Variants in BHMT2 observed in about 807,000 individuals in gnomAD.
BHMT2 encodes S-methylmethionine--homocysteine S-methyltransferase BHMT2.
In BHMT2, 28 loss-of-function variants were observed where a neutral mutation model predicts 39.0. The observed-to-expected ratio is 0.72, with a 90% CI of 0.53 to 0.98. The LOEUF is 0.98. Among genes scored for constraint, BHMT2 ranks in the 50% least tolerant of loss-of-function variants. The pLI is 0.00. For missense variants in BHMT2, 410 were observed against 455.6 expected (o/e 0.90, Z 0.91); for synonymous variants, 145 against 160.6 (o/e 0.90, Z 0.74).
In BHMT2 at chr5:79,083,355, T is replaced by G. The variant is rs1381659391; in HGVS notation, c.762T>G (p.Asp254Glu). 2 of 1,601,462 alleles carry G rather than the reference T, an allele frequency of 1.2e-6. No homozygotes were observed. Among genetic ancestry groups the G allele is most frequent in the Non-Finnish European group, 1.7e-6 (2 of 1,172,922 alleles). Residue 254 changes from aspartate to glutamate, a missense_variant, in exon 6 of 8, where the codon GAT becomes GAG. Asp to Glu is a conservative substitution (Grantham distance 45, BLOSUM62 2). Transcript: ENST00000255192. ...ACTGTGGCAAAGAGGGGTTTGTGGA[T>G]CTCCCAGAATATCCCTTTGGTAAGC... ...APDCGKEGFV[D>E]LPEYPFGLES...
At chr5:79,080,374 G>A (rs927567002) in intron 3 of BHMT2, among the ~76,000 whole-genome samples, 2 of 152,196 alleles carry the variant, frequency 1.3e-5, no homozygotes, top group Non-Finnish European at 2.9e-5. Flanking sequence ...AACATGTACT[G>A]AGTATCTGTT....
At position 79,079,395 on chromosome 5, in the gene BHMT2, A is replaced by G. The variant is rs573988642; in HGVS notation, c.193A>G (p.Arg65Gly). Residue 65 changes from arginine (R) to glycine (G), a missense_variant, in exon 3 of 8, where the codon AGA becomes GGA. Coordinates refer to ENST00000255192, the MANE Select transcript of BHMT2 (RefSeq NM_017614.5). ...TCGTCAACTTCACATGGAATTCTTG[A>G]GAGCAGGATCAAATGTCATGCAGAC... ...AVRQLHMEFL[R>G]AGSNVMQTFT... The G allele has an allele frequency of 3.1e-6, 5 of 1,613,804 alleles. No homozygotes were observed. Among genetic ancestry groups the G allele is most frequent in the African/African-American group, 1.3e-5 (1 of 75,038 alleles).
At chr5:79,083,928 G>T (rs974680343) in intron 7 of BHMT2, 72 bp downstream of exon 7, 2 of 1,509,548 alleles carry the variant, frequency 1.3e-6, no homozygotes, top group Non-Finnish European at 1.8e-6. Flanking sequence ...TAAATGTCAT[G>T]CATGCACATG....
At chr5:79,081,980 C>A (rs1051806802) in intron 4 of BHMT2, among the ~76,000 whole-genome samples, 2 of 152,232 alleles carry the variant, frequency 1.3e-5, no homozygotes, top group Admixed American at 6.5e-5. Flanking sequence ...TGGGAACAGT[C>A]ATCTGCAGGG....
Position 79,088,775 on chromosome 5 carries a change from C to CCTG in BHMT2, c.*201_*202insCTG. 2.1e-6 allele frequency: 1 copy of CCTG among 482,952 alleles called. No homozygotes were observed. Among genetic ancestry groups the CCTG allele is most frequent in the South Asian group, 3.4e-5 (1 of 29,556 alleles). The allele number at this position is 482,952 out of a possible 1,614,324, so 29.9% of individuals were successfully genotyped here. ...TGCTGTGGTTAAGCACTGCAACAGA[C>CCTG]TCTACCAGAGATGCAAAGAGAAGCG... On this transcript the variant is annotated 3_prime_UTR_variant, in exon 8 of 8. Transcript: ENST00000255192.
chr5:79,083,958 A>G (rs1374633861), intron 7 of BHMT2, 102 bp downstream of exon 7: 4 of 1,444,836 alleles, frequency 2.8e-6, no homozygotes, highest in Non-Finnish European at 3.7e-6. Context: ...ATAGAAATGT[A>G]TAAAGTGAAA....
intron 7 of BHMT2, among the ~76,000 whole-genome samples, chr5:79,087,041 T>TATATATATATATATATATAC (rs1491463046): frequency 7.2e-6 from 1 of 138,388 alleles, no homozygotes; most frequent in African/African-American, 2.7e-5. Context: ...TATATATATA[T>TATATATATATATATATATAC]ACATATGTAT....
intron 7 of BHMT2, among the ~76,000 whole-genome samples, chr5:79,086,205 C>G (rs554348442): frequency 6.6e-6 from 1 of 152,176 alleles, no homozygotes; most frequent in Non-Finnish European, 1.5e-5. Flanking sequence ...TTAGATAGTT[C>G]AGGCTGGCTC....
At chr5:79,075,469 T>G (rs1306143083) in intron 1 of BHMT2, among the ~76,000 whole-genome samples, 2 of 152,080 alleles carry the variant, frequency 1.3e-5, no homozygotes, top group Non-Finnish European at 2.9e-5. Context: ...TATGTTGATT[T>G]CATAGAACAG....
intron 4 of BHMT2, among the ~76,000 whole-genome samples, chr5:79,082,042 CTGTT>C (rs766105997): frequency 6.6e-6 from 1 of 152,214 alleles, no homozygotes; most frequent in Non-Finnish European, 1.5e-5. Context: ...TGACACCACT[CTGTT>C]TGTTTAAGAA....
At chr5:79,076,016 G>A (rs1755664376) in intron 1 of BHMT2, among the ~76,000 whole-genome samples, 1 of 152,212 alleles carries the variant, frequency 6.6e-6, no homozygotes, top group Non-Finnish European at 1.5e-5. Flanking sequence ...CTTATCGAAA[G>A]GACAGAGGGC....
At chr5:79,072,877 G>T (rs1755606374) in intron 1 of BHMT2, among the ~76,000 whole-genome samples, 2 of 152,032 alleles carry the variant, frequency 1.3e-5, no homozygotes, top group African/African-American at 2.4e-5. Flanking sequence ...CCTGTGATAG[G>T]TTGGATGTGG....
chr5:79,086,323 A>C (rs1755893396), intron 7 of BHMT2, among the ~76,000 whole-genome samples: 3 of 152,198 alleles, frequency 2.0e-5, no homozygotes, highest in Non-Finnish European at 4.4e-5. Flanking sequence ...CAAGCAAAGT[A>C]GCTGGCCCAT....
At chr5:79,076,509 G>C (rs1369145374) in intron 1 of BHMT2, among the ~76,000 whole-genome samples, 2 of 152,196 alleles carry the variant, frequency 1.3e-5, no homozygotes, top group African/African-American at 2.4e-5. Context: ...ATGGCTAACT[G>C]CTCTGAATGG....
At chr5:79,070,409 G>T (rs1374052537) in intron 1 of BHMT2, among the ~76,000 whole-genome samples, 1 of 152,220 alleles carries the variant, frequency 6.6e-6, no homozygotes, top group Middle Eastern at 3.4e-3. Context: ...CTCTCACCCG[G>T]TGGTCCCCAG....
Position 79,088,610 on chromosome 5 carries a change from G to A in BHMT2, c.*36G>A. ...AAGAAAACCCTGAAATAATCGAACAGGAAAAAGTTGCCCTCAAGCCTGACC... is the reference window on the plus strand; with the variant it reads ...AAGAAAACCCTGAAATAATCGAACAAGAAAAAGTTGCCCTCAAGCCTGACC... On this transcript the variant is annotated 3_prime_UTR_variant, in exon 8 of 8. Coordinates refer to ENST00000255192, the MANE Select transcript of BHMT2 (RefSeq NM_017614.5). The A allele has an allele frequency of 6.3e-7, 1 of 1,589,624 alleles. No homozygotes were observed. The highest frequency in any genetic ancestry group is 1.1e-5 in the South Asian group (1 of 89,652).
chr5:79,080,122 G>A (rs1185143758), intron 3 of BHMT2, among the ~76,000 whole-genome samples: 1 of 152,158 alleles, frequency 6.6e-6, no homozygotes, highest in African/African-American at 2.4e-5. Flanking sequence ...GTAGAAATGA[G>A]AAAAAACGGG....
In BHMT2 at chr5:79,077,498, G is replaced by A; in HGVS notation, c.52G>A (p.Glu18Lys). 5 of 1,613,872 alleles carry A rather than the reference G, an allele frequency of 3.1e-6. No homozygotes were observed. The highest frequency in any genetic ancestry group is 4.2e-6 in the Non-Finnish European group (5 of 1,179,930). ...GAKKGILERL[E>K]SGEVVIGDGS... The stretch of plus-strand genomic sequence containing the variant: ...TCTTCAGGGGATTTTGGAGCGCCTG[G>A]AGAGTGGGGAGGTTGTGATTGGAGA... Residue 18 changes from glutamate (E) to lysine (K), a missense_variant, in exon 2 of 8, where the codon GAG (glutamate) becomes AAG (lysine). Physicochemically the swap from Glu to Lys is moderately conservative, Grantham distance 56. Transcript: ENST00000255192.
In BHMT2 at chr5:79,082,792, AG is replaced by A; in HGVS notation, c.451-16del. 6.2e-7 allele frequency: 1 copy of A among 1,612,388 alleles called. No homozygotes were observed. ...GCTTTATGTTTGGACCAGTAGAAAA[AG>A]TGACATTTCTCTTAGTATTTTGAGC... is the stretch of plus-strand genomic sequence containing the variant. On this transcript the variant is annotated splice_polypyrimidine_tract_variant and intron_variant, in intron 4 of 7. Transcript: ENST00000255192.
Sources: gnomAD v4.1 joint callset for allele counts (sites outside exome capture counted in the v4.1 genomes callset) on GRCh38, gnomAD v4.1.1 for gene constraint, MANE v1.5 for transcripts, NCBI Gene and HGNC (gene_info 2026-07-23, HGNC 2026-07-21) for gene names.